KIAA0753: variants seen among roughly 807,000 people sequenced by gnomAD.
KIAA0753 encodes KIAA0753.
Under a neutral mutation model 116.9 loss-of-function variants are expected in KIAA0753, and 114 were observed. That is an observed-to-expected ratio of 0.98 (90% CI 0.84 to 1.14). The LOEUF (loss-of-function observed/expected upper bound fraction) is 1.14. Ranked by LOEUF, KIAA0753 falls within the 50% of genes most tolerant of loss-of-function variation. The pLI is 0.00. For synonymous variants in KIAA0753, 405 were observed against 413.1 expected (o/e 0.98, Z 0.24); for missense variants, 1,156 against 1,172.4 (o/e 0.99, Z 0.20).
At chr17:6,600,871 T>C (rs77908329) in intron 12 of KIAA0753, 3,151 of 163,914 alleles carry the variant, frequency 0.019, 100 homozygotes, top group African/African-American at 0.07. Flanking sequence ...AGAGTTAGCT[T>C]TACACCCACA....
intron 18 of KIAA0753, among the ~76,000 whole-genome samples, chr17:6,585,202 T>C (rs1968481925): frequency 6.6e-6 from 1 of 152,268 alleles, no homozygotes; most frequent in South Asian, 2.1e-4. Flanking sequence ...CTTCTGGTGT[T>C]ATTAAAAACA....
chr17:6,610,183 A>G (rs374668802), intron 8 of KIAA0753, 23 bp from the exon 9 acceptor site: 1 of 1,612,928 alleles, frequency 6.2e-7, no homozygotes, highest in Non-Finnish European at 8.5e-7. Context: ...AGTAAGAATT[A>G]TAAGGCCACA....
At chr17:6,624,468 T>G (rs1489388854) in intron 4 of KIAA0753, among the ~76,000 whole-genome samples, 1 of 149,398 alleles carries the variant, frequency 6.7e-6, no homozygotes, top group African/African-American at 2.5e-5. Flanking sequence ...TGGGGAGGAG[T>G]GGCTTTTAAT....
chr17:6,620,483 C>A (rs961557252), intron 7 of KIAA0753, among the ~76,000 whole-genome samples: 2 of 151,342 alleles, frequency 1.3e-5, no homozygotes, highest in Non-Finnish European at 1.5e-5. Flanking sequence ...GTGTACATAT[C>A]TCTGTCATTA....
intron 2 of KIAA0753, among the ~76,000 whole-genome samples, chr17:6,629,042 A>G (rs1971863492): frequency 6.6e-6 from 1 of 152,196 alleles, no homozygotes; most frequent in South Asian, 2.1e-4. Flanking sequence ...AAGTCCTTCA[A>G]TTTCCCAGTT....
intron 12 of KIAA0753, 108 bp downstream of exon 12, chr17:6,606,765 T>C (rs1970221160): frequency 1.3e-6 from 1 of 757,360 alleles, no homozygotes; most frequent in Admixed American, 2.1e-5. Flanking sequence ...TATTCATTCA[T>C]TCATGTAATG....
At chr17:6,614,260 G>C (rs1205640837) in intron 7 of KIAA0753, among the ~76,000 whole-genome samples, 1 of 152,068 alleles carries the variant, frequency 6.6e-6, no homozygotes, top group Non-Finnish European at 1.5e-5. Context: ...CTCACTCCTA[G>C]GTATATACTC....
intron 17 of KIAA0753, 37 bp from the exon 18 acceptor site, chr17:6,590,040 C>G: frequency 2.1e-6 from 3 of 1,426,858 alleles, no homozygotes; most frequent in Non-Finnish European, 2.8e-6. Context: ...CATTCAAGAT[C>G]ATCTGTAAGC....
In KIAA0753 at chr17:6,639,919, G is replaced by C. The variant is rs1972554219; in HGVS notation, c.-69+718C>G. ...CTCCCCAGACCCGGTCACCCACACAGCCCCGGCAAGCCCCACCACCTCGGG... is the reference window on the plus strand; with the variant it reads ...CTCCCCAGACCCGGTCACCCACACACCCCCGGCAAGCCCCACCACCTCGGG... On this transcript the variant is annotated intron_variant, in intron 1 of 18. Coordinates refer to ENST00000361413, the MANE Select transcript of KIAA0753 (RefSeq NM_014804.3). The surrounding 1 kb of genome is among the most constrained non-coding windows in gnomAD (Gnocchi z 4.3). The C allele has an allele frequency of 1.3e-5, 2 of 153,360 alleles. No individual in the cohort carries two copies. Among genetic ancestry groups the C allele is most frequent in the Admixed American group, 6.5e-5 (1 of 15,272 alleles). The allele number at this position is 153,360 out of a possible 1,614,324, so 9.5% of individuals were successfully genotyped here. A position where few individuals can be genotyped will look rare whatever the true frequency, so the allele number is the denominator to read the frequency against.
intron 7 of KIAA0753, among the ~76,000 whole-genome samples, chr17:6,615,550 G>C (rs1338137794): frequency 2.1e-5 from 3 of 145,902 alleles, no homozygotes; most frequent in Non-Finnish European, 4.5e-5. Flanking sequence ...GCGAGGCGTA[G>C]CTGGCAGTGA....
chr17:6,636,611 C>G (rs1392704007), intron 1 of KIAA0753, among the ~76,000 whole-genome samples: 1 of 152,066 alleles, frequency 6.6e-6, no homozygotes, highest in African/African-American at 2.4e-5. Context: ...CCCACTGCTC[C>G]AGGAAACGTC....
At chr17:6,608,773 A>G (rs1793324226) in intron 9 of KIAA0753, among the ~76,000 whole-genome samples, 1 of 152,212 alleles carries the variant, frequency 6.6e-6, no homozygotes, top group African/African-American at 2.4e-5. Flanking sequence ...TTGGATCACT[A>G]ATTACATTCC....
Position 6,628,686 on chromosome 17 carries a change from C to A in KIAA0753, c.149G>T (p.Arg50Leu). Residue 50 changes from arginine to leucine, a missense_variant, in exon 3 of 19, where the codon CGA becomes CTA. Transcript: ENST00000361413. ...VPTHSSNLAI[R>L]YSCPHAIRIE... Reference sequence around the variant, plus strand: ...TCTAATGGCATGTGGGCAAGAATATCGGATCGCCAAGTTGCTTGAATGTGT... The same window carrying A: ...TCTAATGGCATGTGGGCAAGAATATAGGATCGCCAAGTTGCTTGAATGTGT... 1 of 1,613,534 alleles carries A rather than the reference C, an allele frequency of 6.2e-7. No individual in the cohort carries two copies. The highest frequency in any genetic ancestry group is 8.5e-7 in the Non-Finnish European group (1 of 1,179,788).
At chr17:6,590,761 AGTGCAAT>A (rs1968937781) in intron 16 of KIAA0753, 131 bp from the exon 17 acceptor site, 1 of 817,102 alleles carries the variant, frequency 1.2e-6, no homozygotes, top group Non-Finnish European at 1.9e-6. Context: ...GTTGGCTAGC[AGTGCAAT>A]GGGAAAATGC....
intron 7 of KIAA0753, among the ~76,000 whole-genome samples, chr17:6,616,337 C>A (rs1446092612): frequency 3.3e-5 from 5 of 152,144 alleles, no homozygotes; most frequent in Admixed American, 6.5e-5. Context: ...AAAATAGCCA[C>A]CAAAGATTTG....
chr17:6,623,973 G>A (rs964833771), intron 4 of KIAA0753: 1 of 157,744 alleles, frequency 6.3e-6, no homozygotes, highest in Non-Finnish European at 1.4e-5. Flanking sequence ...TCATGTTTTA[G>A]AGCAATCTCT....
In KIAA0753 at chr17:6,611,877, A is replaced by G. The variant is rs760700807; in HGVS notation, c.1545+42T>C. On this transcript the variant is annotated intron_variant, in intron 8 of 18. Coordinates refer to ENST00000361413, the MANE Select transcript of KIAA0753 (RefSeq NM_014804.3). ...CAGTTTATGTGACCTTGACAATGTCAGATTAACACAAATGGGCCAAAAGAG... is the reference window on the plus strand; with the variant it reads ...CAGTTTATGTGACCTTGACAATGTCGGATTAACACAAATGGGCCAAAAGAG... The G allele has an allele frequency of 5.8e-6, 9 of 1,545,792 alleles. No homozygotes were observed. In the South Asian group the frequency reaches 9.0e-5, roughly 15 times the overall value.
At chr17:6,633,832 A>G (rs1972146794) in intron 2 of KIAA0753, among the ~76,000 whole-genome samples, 1 of 152,194 alleles carries the variant, frequency 6.6e-6, no homozygotes, top group African/African-American at 2.4e-5. Flanking sequence ...GATCAGGGAA[A>G]ACTAATCTGT....
At chr17:6,585,964 C>T (rs971782570) in intron 18 of KIAA0753, among the ~76,000 whole-genome samples, 5 of 152,076 alleles carry the variant, frequency 3.3e-5, no homozygotes, top group East Asian at 1.9e-4. Flanking sequence ...TATTTGTTCC[C>T]GCTCAAATCT....
Sources: allele counts gnomAD v4.1 joint callset (sites outside exome capture counted in the v4.1 genomes callset), GRCh38; gene constraint gnomAD v4.1.1; non-coding constraint Gnocchi (gnomAD v3.1); transcripts MANE v1.5; gene names NCBI Gene and HGNC (gene_info 2026-07-23, HGNC 2026-07-21).